Variants in CIMAP3 observed in about 807,000 individuals in gnomAD.
The protein encoded by CIMAP3 is ciliary microtubule-associated protein 3.
the CIMAP3 span, chr1:111,348,829 T>A: frequency 6.6e-6 from 4 of 605,052 alleles, no homozygotes; most frequent in Non-Finnish European, 1.1e-5. Flanking sequence ...AGAATCATAG[T>A]TACTCATTCA....
chr1:111,351,028 G>A, the CIMAP3 span, among the ~76,000 whole-genome samples: 1 of 152,016 alleles, frequency 6.6e-6, no homozygotes, highest in Admixed American at 6.6e-5. Flanking sequence ...AACTGCTTGG[G>A]GATTTACTAA....
At chr1:111,329,596 CCAG>C in the CIMAP3 span, among the ~76,000 whole-genome samples, 1 of 140,854 alleles carries the variant, frequency 7.1e-6, no homozygotes. Flanking sequence ...CTCTTGTTGC[CCAG>C]CCTGGAATGC....
At chr1:111,348,362 C>A in the CIMAP3 span, 2 of 713,032 alleles carry the variant, frequency 2.8e-6, no homozygotes, top group Non-Finnish European at 4.4e-6. Flanking sequence ...CGGTTTTCTA[C>A]CTACCGAAGA....
At chr1:111,336,991 C>A in the CIMAP3 span, among the ~76,000 whole-genome samples, 1 of 152,178 alleles carries the variant, frequency 6.6e-6, no homozygotes, top group East Asian at 1.9e-4. Flanking sequence ...AGACTAACAG[C>A]AGATCTCTCA....
At chr1:111,350,235 G>A in the CIMAP3 span, 30 of 1,572,204 alleles carry the variant, frequency 1.9e-5, no homozygotes, top group Admixed American at 5.0e-5. Flanking sequence ...TAATAAGATT[G>A]GAACTTCTGT....
chr1:111,328,461 CAAT>C, the CIMAP3 span, among the ~76,000 whole-genome samples: 1 of 152,254 alleles, frequency 6.6e-6, no homozygotes, highest in East Asian at 1.9e-4. Context: ...TGAAGTCTGT[CAAT>C]ATTATTGTGT....
At chr1:111,341,001 T>A in the CIMAP3 span, among the ~76,000 whole-genome samples, 1 of 151,252 alleles carries the variant, frequency 6.6e-6, no homozygotes, top group Non-Finnish European at 1.5e-5. Flanking sequence ...ATGTGGCACA[T>A]ATACACCATG....
chr1:111,328,007 C>T, the CIMAP3 span, among the ~76,000 whole-genome samples: 281 of 152,234 alleles, frequency 1.8e-3, no homozygotes, highest in Middle Eastern at 3.4e-3. Context: ...TTCCTTTTAA[C>T]GCTACTTTAG....
the CIMAP3 span, among the ~76,000 whole-genome samples, chr1:111,337,457 C>T: frequency 6.6e-6 from 1 of 152,028 alleles, no homozygotes; most frequent in South Asian, 2.1e-4. Context: ...AAACCCATCT[C>T]ACATGCAGAG....
At chr1:111,334,492 A>C in the CIMAP3 span, among the ~76,000 whole-genome samples, 1 of 152,224 alleles carries the variant, frequency 6.6e-6, no homozygotes, top group South Asian at 2.1e-4. Flanking sequence ...ACAGATGTAC[A>C]TTCACAAGAA....
the CIMAP3 span, among the ~76,000 whole-genome samples, chr1:111,344,689 C>T: frequency 8.0e-3 from 1,213 of 152,274 alleles, 16 homozygotes; most frequent in African/African-American, 0.027. Context: ...TTGCGAAATA[C>T]ATTTCATGTC....
At chr1:111,347,735 G>C in the CIMAP3 span, 2 of 1,613,524 alleles carry the variant, frequency 1.2e-6, no homozygotes, top group Non-Finnish European at 1.7e-6. Flanking sequence ...TATACTTTGG[G>C]AGCCAGAACA....
chr1:111,352,306 A>G, the CIMAP3 span: 1 of 152,650 alleles, frequency 6.6e-6, no homozygotes, highest in Admixed American at 6.5e-5. Flanking sequence ...CTTCGTAATT[A>G]CCAGAAAGGT....
the CIMAP3 span, chr1:111,350,121 C>A: frequency 6.2e-7 from 1 of 1,613,658 alleles, no homozygotes; most frequent in Non-Finnish European, 8.5e-7. Context: ...GTGCATACAA[C>A]CCAGAGAAGA....
the CIMAP3 span, among the ~76,000 whole-genome samples, chr1:111,325,726 C>G: frequency 6.6e-6 from 1 of 152,074 alleles, no homozygotes; most frequent in African/African-American, 2.4e-5. Flanking sequence ...TTAGATGTAA[C>G]TACTTTAGAG....
chr1:111,335,370 C>G, the CIMAP3 span, among the ~76,000 whole-genome samples: 1 of 152,058 alleles, frequency 6.6e-6, no homozygotes, highest in Non-Finnish European at 1.5e-5. Context: ...GTGCAGCACA[C>G]TGTGCATGAG....
the CIMAP3 span, among the ~76,000 whole-genome samples, chr1:111,337,783 T>C: frequency 7.4e-3 from 1,123 of 152,102 alleles, 15 homozygotes; most frequent in African/African-American, 0.025. Flanking sequence ...ATTAGACAGA[T>C]CAATGAGGCA....
At chr1:111,340,008 A>C in the CIMAP3 span, among the ~76,000 whole-genome samples, 2 of 151,592 alleles carry the variant, frequency 1.3e-5, no homozygotes, top group African/African-American at 4.9e-5. Context: ...CAAAACAGAG[A>C]TACAGATCAA....
chr1:111,351,473 A>G, the CIMAP3 span: 11 of 603,912 alleles, frequency 1.8e-5, no homozygotes, highest in Non-Finnish European at 2.8e-5. Flanking sequence ...TAGCTGCTGT[A>G]TGAGAACATA....
Sources: gnomAD v4.1 joint callset for allele counts (sites outside exome capture counted in the v4.1 genomes callset) on GRCh38, gnomAD v4.1.1 for gene constraint, MANE v1.5 for transcripts, NCBI Gene and HGNC (gene_info 2026-07-23, HGNC 2026-07-21) for gene names.